DGKA: variants seen among roughly 807,000 people sequenced by gnomAD.
DGKA encodes the protein diacylglycerol kinase alpha, also known as 80 kDa diacylglycerol kinase.
Under a neutral mutation model 105.0 loss-of-function variants are expected in DGKA, and 35 were observed. That is an observed-to-expected ratio of 0.33 (90% CI 0.25 to 0.44). The LOEUF is 0.44. Ranked by LOEUF, DGKA falls within the 20% of genes least tolerant of loss-of-function variation. DGKA has a pLI of 1.00. For synonymous variants in DGKA, 296 were observed against 332.0 expected, an observed-to-expected ratio of 0.89 and a Z score of 1.18; for missense variants, 665 against 915.0, an observed-to-expected ratio of 0.73 and a Z score of 3.53.
intron 17 of DGKA, among the ~76,000 whole-genome samples, chr12:55,945,030 C>T (rs1886735410): frequency 1.3e-5 from 2 of 152,246 alleles, no homozygotes; most frequent in Admixed American, 6.5e-5. Context: ...GAGCTCCTGA[C>T]CTCAGGTGAT....
At chr12:55,947,285 G>C (rs1287745276) in intron 17 of DGKA, among the ~76,000 whole-genome samples, 1 of 152,038 alleles carries the variant, frequency 6.6e-6, no homozygotes, top group Admixed American at 6.6e-5. Context: ...GCGCCCAGCT[G>C]TGGAGACATT....
chr12:55,952,295 T>G lies in DGKA; in HGVS notation c.1653-46T>G. 1 of 1,593,716 alleles carries G rather than the reference T, an allele frequency of 6.3e-7. No individual in the cohort carries two copies. Among genetic ancestry groups the G allele is most frequent in the Non-Finnish European group, 8.6e-7 (1 of 1,161,552 alleles). Reference sequence around the variant, plus strand: ...TCACGTACCACCCCTGCCAGCACTGTGTAACCTGTCCCTCCCTACTGGGCC... The same window carrying G: ...TCACGTACCACCCCTGCCAGCACTGGGTAACCTGTCCCTCCCTACTGGGCC... On this transcript the variant is annotated intron_variant, in intron 19 of 23. Coordinates refer to ENST00000331886, the MANE Select transcript of DGKA (RefSeq NM_001345.5). This position sits in a 1 kb window ranked among gnomAD's most constrained non-coding sequence, Gnocchi z 5.1.
chr12:55,946,700 A>C (rs958209773), intron 17 of DGKA, among the ~76,000 whole-genome samples: 5 of 152,216 alleles, frequency 3.3e-5, no homozygotes, highest in Non-Finnish European at 5.9e-5. Flanking sequence ...ATCTTTGAGA[A>C]GCTAGTATTC....
intron 5 of DGKA, 86 bp downstream of exon 5, chr12:55,938,138 A>T: frequency 7.9e-7 from 1 of 1,273,752 alleles, no homozygotes; most frequent in Non-Finnish European, 1.1e-6. Context: ...TTCCTTCAGG[A>T]TTCCTAAAGG....
chr12:55,927,857 C>A (rs1251848290), upstream of DGKA: 2 of 1,463,884 alleles, frequency 1.4e-6, no homozygotes, highest in East Asian at 2.5e-5. Flanking sequence ...GTGATGAGGG[C>A]CCTAGTTGCT....
intron 23 of DGKA, 100 bp downstream of exon 23, chr12:55,953,510 T>TC: frequency 7.3e-7 from 1 of 1,375,730 alleles, no homozygotes; most frequent in South Asian, 1.2e-5. Context: ...TGCCTGAACT[T>TC]CCCCTGCACA....
chr12:55,938,796 T>C (rs2136318068), intron 6 of DGKA, 119 bp from the exon 7 acceptor site: 1 of 1,550,404 alleles, frequency 6.4e-7, no homozygotes, highest in East Asian at 2.3e-5. Context: ...TTGGCAGACA[T>C]ACCTGAGAAT....
In DGKA at chr12:55,940,745, G is replaced by C. The variant is rs1307698781; in HGVS notation, c.1017+23G>C. 1.2e-6 allele frequency: 2 copies of C among 1,611,176 alleles called. No individual in the cohort carries two copies. The highest frequency in any genetic ancestry group is 2.7e-5 in the African/African-American group (2 of 74,870). ...CTGGTGAGACCCTCGGCAGCAGCGG[G>C]GAGGGGACAGGAGTGCCTCCCCGAT... On this transcript the variant is annotated intron_variant, in intron 12 of 23. Coordinates refer to ENST00000331886, the MANE Select transcript of DGKA (RefSeq NM_001345.5). This position sits in a 1 kb window ranked among gnomAD's most constrained non-coding sequence, Gnocchi z 4.3.
chr12:55,928,013 A>G (rs1181995437), upstream of DGKA: 2 of 539,464 alleles, frequency 3.7e-6, no homozygotes, highest in Non-Finnish European at 6.5e-6. Context: ...CAACTCGCCA[A>G]TAATCCGGTC....
chr12:55,928,609 G>A (rs761767214), upstream of DGKA, among the ~76,000 whole-genome samples: 5 of 148,526 alleles, frequency 3.4e-5, no homozygotes, highest in South Asian at 2.1e-4. Flanking sequence ...TCTGGGAGGC[G>A]GAGGTTGCAG....
upstream of DGKA, among the ~76,000 whole-genome samples, chr12:55,928,646 C>G (rs750269708): frequency 8.7e-5 from 11 of 125,770 alleles, no homozygotes; most frequent in Non-Finnish European, 1.4e-4. Flanking sequence ...CACTGCACTC[C>G]AGCTTGGACG....
At chr12:55,946,984 CTTT>C (rs1233832786) in intron 17 of DGKA, among the ~76,000 whole-genome samples, 26 of 127,860 alleles carry the variant, frequency 2.0e-4, no homozygotes, top group African/African-American at 5.1e-4. Context: ...TCCTTTCTTT[CTTT>C]TTTTTTTTTT....
At position 55,939,502 on chromosome 12, in the gene DGKA, C is replaced by G; in HGVS notation, c.682C>G (p.Leu228Val). 6 of 1,614,166 alleles carry G rather than the reference C, an allele frequency of 3.7e-6. No individual in the cohort carries two copies. Among genetic ancestry groups the G allele is most frequent in the Non-Finnish European group, 4.2e-6 (5 of 1,180,044 alleles). The part of the protein sequence containing the change: ...YCNLCESSIG[L>V]GKQGLSCNLC... ...CAATCTGTGCGAGTCAAGCATTGGT[C>G]TTGGCAAACAGGGACTGAGCTGTAA... Residue 228 changes from leucine to valine, a missense_variant, in exon 9 of 24, where the codon CTT becomes GTT. This residue lies in a region of DGKA where 504 missense variants were observed against 681.2 expected (regional missense o/e 0.74). Coordinates refer to ENST00000331886, the MANE Select transcript of DGKA (RefSeq NM_001345.5).
chr12:55,938,389 C>T (rs761467115), intron 5 of DGKA, 122 bp from the exon 6 acceptor site: 42 of 1,274,844 alleles, frequency 3.3e-5, no homozygotes, highest in Admixed American at 5.7e-5. Flanking sequence ...CAGTCCCATC[C>T]CAGGCTCTAG....
At position 55,940,535 on chromosome 12, in the gene DGKA, C is replaced by A; in HGVS notation, c.919-89C>A. The A allele has an allele frequency of 6.4e-7, 1 of 1,568,010 alleles. No homozygotes were observed. The stretch of plus-strand genomic sequence containing the variant: ...TCCTTTACAGGCACAGTTGCCCCTG[C>A]TCCCAAGGGCTCTTTCCAGCCCAGA... On this transcript the variant is annotated intron_variant, in intron 11 of 23. Transcript: ENST00000331886. The surrounding 1 kb of genome is among the most constrained non-coding windows in gnomAD (Gnocchi z 4.3).
rs1886174074 is a variant in DGKA, at chr12:55,942,256, G to A, written c.1419G>A (p.Trp473Ter). 6.2e-7 allele frequency: 1 copy of A among 1,614,042 alleles called. No individual in the cohort carries two copies. Among genetic ancestry groups the A allele is most frequent in the African/African-American group, 1.3e-5 (1 of 74,930 alleles). ...TGNDLARCLRWGGGYEGQNLA... is the reference protein window; with the variant it reads ...TGNDLARCLR ...ATGATCTGGCTCGATGCCTAAGATG[G>A]GGAGGAGGTAAGTGGTTAGAAATTG... The change falls in exon 17 of 24, where the codon TGG (tryptophan) becomes TGA (stop). Residue 473 changes from tryptophan to a stop codon, truncating the protein, a stop_gained. Coordinates refer to ENST00000331886, the MANE Select transcript of DGKA (RefSeq NM_001345.5). LOFTEE classifies it high-confidence loss of function.
At chr12:55,947,816 G>A (rs1224770179) in intron 17 of DGKA, among the ~76,000 whole-genome samples, 1 of 152,056 alleles carries the variant, frequency 6.6e-6, no homozygotes, top group Admixed American at 6.5e-5. Context: ...TTGAGACGGA[G>A]TTCCACTCCT....
chr12:55,937,184 C>T, intron 3 of DGKA, 94 bp downstream of exon 3: 1 of 1,399,430 alleles, frequency 7.1e-7, no homozygotes. Flanking sequence ...GCCTGCCCCT[C>T]ACTATCCCCT....
intron 4 of DGKA, 107 bp from the exon 5 acceptor site, chr12:55,937,871 T>C (rs1885075093): frequency 1.9e-6 from 2 of 1,043,244 alleles, no homozygotes; most frequent in East Asian, 2.6e-5. Context: ...CTCAAAAAAA[T>C]CAGTAAATCT....
Sources: allele counts gnomAD v4.1 joint callset (sites outside exome capture counted in the v4.1 genomes callset), GRCh38; gene constraint gnomAD v4.1.1; regional missense constraint gnomAD v4.1.1; non-coding constraint Gnocchi (gnomAD v3.1); transcripts MANE v1.5; gene names NCBI Gene and HGNC (gene_info 2026-07-23, HGNC 2026-07-21).